The following PUS7 variants were observed in gnomAD, a reference collection of about 807,000 sequenced individuals.
PUS7 encodes pseudouridylate synthase 7 homolog.
In PUS7, 48 loss-of-function variants were observed where a neutral mutation model predicts 79.8. That is an observed-to-expected ratio of 0.60 (90% CI 0.48 to 0.76). The LOEUF (loss-of-function observed/expected upper bound fraction) is 0.76. Ranked by LOEUF, PUS7 falls within the 30% of genes least tolerant of loss-of-function variation. The pLI is 0.00. For missense variants in PUS7, 729 were observed against 797.6 expected (o/e 0.91, Z 1.04); for synonymous variants, 286 against 272.2 (o/e 1.05, Z -0.50).
intron 7 of PUS7, among the ~76,000 whole-genome samples, chr7:105,482,899 A>C (rs1384535002): frequency 1.3e-5 from 2 of 152,148 alleles, no homozygotes; most frequent in African/African-American, 4.8e-5. Context: ...TAAAAAAGAG[A>C]AAAGGAAAAG....
intron 5 of PUS7, among the ~76,000 whole-genome samples, chr7:105,500,654 C>T (rs2133218463): frequency 6.6e-6 from 1 of 152,306 alleles, no homozygotes; most frequent in Non-Finnish European, 1.5e-5. Context: ...GCAGCCTTCC[C>T]AACTGGGTTC....
At chr7:105,506,355 C>G in intron 2 of PUS7, 82 bp from the exon 3 acceptor site, 3 of 962,992 alleles carry the variant, frequency 3.1e-6, no homozygotes, top group South Asian at 1.5e-5. Flanking sequence ...CAACAGCAAG[C>G]CTTACTATTA....
chr7:105,511,332 C>T (rs1285836051), intron 1 of PUS7, among the ~76,000 whole-genome samples: 1 of 151,732 alleles, frequency 6.6e-6, no homozygotes, highest in Non-Finnish European at 1.5e-5. Flanking sequence ...CGCACCTGGC[C>T]CCATTCCCGT....
At chr7:105,501,244 T>A (rs1448149510) in intron 5 of PUS7, among the ~76,000 whole-genome samples, 2 of 152,184 alleles carry the variant, frequency 1.3e-5, no homozygotes, top group Non-Finnish European at 2.9e-5. Flanking sequence ...AAATAAACAG[T>A]TTTTTGTTAT....
chr7:105,512,667 G>A (rs549492973), intron 1 of PUS7, among the ~76,000 whole-genome samples: 4 of 152,332 alleles, frequency 2.6e-5, no homozygotes, highest in Admixed American at 6.5e-5. Flanking sequence ...GTTACAGCTT[G>A]GGAGGGGCGG....
intron 1 of PUS7, among the ~76,000 whole-genome samples, 190 bp from the exon 2 acceptor site, chr7:105,508,734 T>G (rs1402484975): frequency 6.7e-6 from 1 of 149,016 alleles, no homozygotes; most frequent in Non-Finnish European, 1.5e-5. Flanking sequence ...TAGTTAGGCG[T>G]GGGTGGCAGG....
At chr7:105,516,424 C>T (rs73190161) in intron 1 of PUS7, among the ~76,000 whole-genome samples, 20,838 of 151,684 alleles carry the variant, frequency 0.14, 1,856 homozygotes, top group South Asian at 0.26. Context: ...GCAGGAACTA[C>T]GTGAAAGGGA....
chr7:105,491,710 A>G, intron 6 of PUS7, 93 bp from the exon 7 acceptor site: 1 of 722,572 alleles, frequency 1.4e-6, no homozygotes, highest in Non-Finnish European at 2.3e-6. Context: ...ATATAAACAT[A>G]CTTACAATCA....
chr7:105,500,328 G>A (rs907935814), intron 5 of PUS7, among the ~76,000 whole-genome samples: 2 of 152,102 alleles, frequency 1.3e-5, no homozygotes, highest in Admixed American at 6.6e-5. Context: ...GGCGGGTGTC[G>A]CATAAGCAGA....
intron 1 of PUS7, among the ~76,000 whole-genome samples, chr7:105,508,898 A>AAAAAAAAAAAAAAG (rs1825587960): frequency 1.9e-5 from 2 of 103,352 alleles, no homozygotes; most frequent in Non-Finnish European, 2.0e-5. Context: ...AAAAAAAAAA[A>AAAAAAAAAAAAAAG]GGTCAGGCAC....
intron 1 of PUS7, among the ~76,000 whole-genome samples, chr7:105,518,175 A>C (rs1193506902): frequency 6.6e-6 from 1 of 151,668 alleles, no homozygotes; most frequent in Non-Finnish European, 1.5e-5. Flanking sequence ...AAGCCGGGCA[A>C]GGTGGCATGC....
intron 9 of PUS7, among the ~76,000 whole-genome samples, chr7:105,477,257 A>G (rs951757764): frequency 6.7e-6 from 1 of 148,856 alleles, no homozygotes; most frequent in African/African-American, 2.5e-5. Context: ...TTATTTTATT[A>G]TTTTTTTTTT....
intron 7 of PUS7, among the ~76,000 whole-genome samples, chr7:105,490,307 G>T (rs748915992): frequency 9.2e-5 from 14 of 152,038 alleles, no homozygotes; most frequent in Non-Finnish European, 1.8e-4. Context: ...ATCACCCCCA[G>T]AAGTTTCCTT....
chr7:105,475,457 TTACAGGCGTCAGCCACCGTGCCA>T (rs1824065117), intron 9 of PUS7, among the ~76,000 whole-genome samples: 3 of 151,816 alleles, frequency 2.0e-5, no homozygotes, highest in Non-Finnish European at 4.4e-5. Flanking sequence ...AGTGCTGGGA[TTACAGGCGTCAGCCACCGTGCCA>T]GGCCATTTTT....
rs1415954440 is a variant in PUS7, at chr7:105,482,422, A to T, written c.939T>A (p.Leu313=). 6.2e-7 allele frequency: 1 copy of T among 1,609,988 alleles called. No homozygotes were observed. The highest frequency in any genetic ancestry group is 1.1e-5 in the South Asian group (1 of 90,842). Reference sequence around the variant, plus strand: ...TCATCAAGCACTTATTCAGGTGGGCAAGTCTTTGTGCAGTTATTCTTTAAA... The same window carrying T: ...TCATCAAGCACTTATTCAGGTGGGCTAGTCTTTGTGCAGTTATTCTTTAAA... ...IAVLKITAQR[L]AHLNKCLMNF... is the part of the protein sequence containing the mutation. The change falls in exon 8 of 16, where the codon CTT becomes CTA. Residue 313 remains leucine (L), a synonymous_variant. Transcript: ENST00000469408.
At chr7:105,470,576 G>T in intron 11 of PUS7, 112 bp downstream of exon 11, 4 of 1,268,020 alleles carry the variant, frequency 3.2e-6, no homozygotes, top group Non-Finnish European at 4.3e-6. Context: ...GATCACCAAA[G>T]GATCCTTATT....
At chr7:105,459,575 C>T (rs1823329147) in intron 14 of PUS7, among the ~76,000 whole-genome samples, 1 of 151,596 alleles carries the variant, frequency 6.6e-6, no homozygotes, top group South Asian at 2.1e-4. Flanking sequence ...GTAGCTGGGA[C>T]TATAGGTGTC....
Position 105,514,225 on chromosome 7 carries a change from C to T in PUS7, c.-32-5681G>A, listed in dbSNP as rs551532307. Among the ~76,000 whole-genome samples the T allele has an allele frequency of 2.1e-4, 24 of 112,968 alleles. No individual in the cohort carries two copies. The East Asian group carries it at 2.9e-3, about 13-fold the overall frequency. The allele number at this position is 112,968 out of a possible 152,430, so 74.1% of individuals were successfully genotyped here. On this transcript the variant is annotated intron_variant, in intron 1 of 15. Coordinates refer to ENST00000469408, the MANE Select transcript of PUS7 (RefSeq NM_019042.5). Reference sequence around the variant, plus strand: ...CAGCCTGGGTGACAGAGCAAGACTCCGTCTCAAAAAAAAAAAAAAATAGTT... The same window carrying T: ...CAGCCTGGGTGACAGAGCAAGACTCTGTCTCAAAAAAAAAAAAAAATAGTT...
At chr7:105,490,083 C>T (rs1040513455) in intron 7 of PUS7, among the ~76,000 whole-genome samples, 1 of 149,800 alleles carries the variant, frequency 6.7e-6, no homozygotes, top group Non-Finnish European at 1.5e-5. Context: ...CCCACCATTG[C>T]ACTCTAGCCT....
Sources: gnomAD v4.1 joint callset for allele counts (sites outside exome capture counted in the v4.1 genomes callset) on GRCh38, gnomAD v4.1.1 for gene constraint, MANE v1.5 for transcripts, NCBI Gene and HGNC (gene_info 2026-07-23, HGNC 2026-07-21) for gene names.